The following TMPRSS12 variants were observed in gnomAD, a reference collection of about 807,000 sequenced individuals.
The protein encoded by TMPRSS12 is transmembrane serine protease 12.
A neutral mutation model predicts 26.0 loss-of-function variants in TMPRSS12; 25 were observed. The ratio of observed to expected loss-of-function variants is 0.96; its 90% CI spans 0.70 to 1.34. The LOEUF (loss-of-function observed/expected upper bound fraction) is 1.34. Among genes scored for constraint, TMPRSS12 ranks in the 40% most tolerant of loss-of-function variants. The pLI, the probability that TMPRSS12 is intolerant of heterozygous loss-of-function variation, is 0.00. For missense variants in TMPRSS12, 441 were observed against 440.1 expected (o/e 1.00, Z -0.02); for synonymous variants, 150 against 161.7 (o/e 0.93, Z 0.55).
intron 2 of TMPRSS12, among the ~76,000 whole-genome samples, chr12:50,845,600 G>A (rs11169589): frequency 0.21 from 32,127 of 151,998 alleles, 3,643 homozygotes; most frequent in East Asian, 0.42. Context: ...TCAGTTGATA[G>A]CATCATCAAC....
chr12:50,860,081 GAA>G (rs1255467419), intron 3 of TMPRSS12, among the ~76,000 whole-genome samples: 6 of 152,292 alleles, frequency 3.9e-5, no homozygotes, highest in Admixed American at 1.3e-4. Context: ...CAAGATACTT[GAA>G]CGTTAAGATA....
intron 2 of TMPRSS12, among the ~76,000 whole-genome samples, chr12:50,855,807 G>C (rs889808625): frequency 4.6e-5 from 7 of 152,130 alleles, no homozygotes; most frequent in African/African-American, 1.7e-4. Flanking sequence ...AATCAACCTA[G>C]ATGCTCATCA....
At chr12:50,852,849 G>A (rs1937839023) in intron 2 of TMPRSS12, among the ~76,000 whole-genome samples, 1 of 152,192 alleles carries the variant, frequency 6.6e-6, no homozygotes, top group African/African-American at 2.4e-5. Context: ...GGAGACCTAT[G>A]AAGAGACTTA....
intron 3 of TMPRSS12, among the ~76,000 whole-genome samples, chr12:50,879,328 A>C (rs1244667952): frequency 6.6e-6 from 1 of 152,230 alleles, no homozygotes; most frequent in African/African-American, 2.4e-5. Context: ...TCAAAATTTA[A>C]ACATGTATCC....
chr12:50,856,610 CA>C (rs941488415), intron 2 of TMPRSS12, among the ~76,000 whole-genome samples: 55 of 151,104 alleles, frequency 3.6e-4, no homozygotes, highest in African/African-American at 1.2e-3. Context: ...ACTACCTTGT[CA>C]AATGATAAGT....
intron 2 of TMPRSS12, among the ~76,000 whole-genome samples, chr12:50,851,732 G>A (rs1096033): frequency 0.37 from 56,854 of 151,904 alleles, 10,738 homozygotes; most frequent in Admixed American, 0.43. Flanking sequence ...CCATCCCCAA[G>A]ACATATAGTC....
At chr12:50,853,089 T>C (rs954591813) in intron 2 of TMPRSS12, among the ~76,000 whole-genome samples, 1 of 152,128 alleles carries the variant, frequency 6.6e-6, no homozygotes, top group Non-Finnish European at 1.5e-5. Flanking sequence ...ATAAGACAAT[T>C]CTTAACAAAT....
At chr12:50,843,264 A>G in intron 1 of TMPRSS12, 113 bp downstream of exon 1, 1 of 1,118,676 alleles carries the variant, frequency 8.9e-7, no homozygotes, top group Non-Finnish European at 1.2e-6. Flanking sequence ...TTTAACCAAA[A>G]TTTTACATAC....
chr12:50,861,180 C>T (rs1179953966), intron 3 of TMPRSS12, among the ~76,000 whole-genome samples: 5 of 152,126 alleles, frequency 3.3e-5, no homozygotes, highest in Non-Finnish European at 5.9e-5. Flanking sequence ...AAATCCAAGT[C>T]CCAAGTCTTT....
chr12:50,844,211 T>C (rs181631041), intron 2 of TMPRSS12, among the ~76,000 whole-genome samples, 174 bp downstream of exon 2: 83 of 150,116 alleles, frequency 5.5e-4, no homozygotes, highest in African/African-American at 1.8e-3. Context: ...TTATTATTAT[T>C]ATACTTTAAG....
At chr12:50,874,433 A>G (rs1416398237) in intron 3 of TMPRSS12, among the ~76,000 whole-genome samples, 1 of 152,182 alleles carries the variant, frequency 6.6e-6, no homozygotes, top group Non-Finnish European at 1.5e-5. Context: ...ATAAAATAAA[A>G]TAAAGCCTAT....
intron 2 of TMPRSS12, among the ~76,000 whole-genome samples, chr12:50,845,464 T>C (rs17125002): frequency 5.3e-5 from 8 of 152,106 alleles, no homozygotes; most frequent in Non-Finnish European, 1.2e-4. Context: ...GTTTCAGCAA[T>C]CACCATGTGC....
chr12:50,867,307 T>C (rs539040667), intron 3 of TMPRSS12, among the ~76,000 whole-genome samples: 1 of 152,154 alleles, frequency 6.6e-6, no homozygotes. Flanking sequence ...TCAGGAAACA[T>C]TGGACACACT....
At chr12:50,864,955 G>A (rs554967017) in intron 3 of TMPRSS12, among the ~76,000 whole-genome samples, 82 of 152,140 alleles carry the variant, frequency 5.4e-4, no homozygotes, top group Non-Finnish European at 9.7e-4. Context: ...CACAGGGCCC[G>A]GCCAAAAATC....
chr12:50,880,637 T>C (rs1250602862), intron 3 of TMPRSS12, among the ~76,000 whole-genome samples: 2 of 111,810 alleles, frequency 1.8e-5, no homozygotes, highest in Non-Finnish European at 4.2e-5. Flanking sequence ...AGCAATTCCA[T>C]TCCTGGATAT....
At position 50,858,881 on chromosome 12, in the gene TMPRSS12, T is replaced by C; in HGVS notation, c.480T>C (p.His160=). The C allele has an allele frequency of 6.3e-7, 1 of 1,595,998 alleles. No individual in the cohort carries two copies. Among genetic ancestry groups the C allele is most frequent in the Non-Finnish European group, 8.5e-7 (1 of 1,170,066 alleles). The stretch of plus-strand genomic sequence containing the variant: ...TAAAAATTAAAGCAATCATTATTCA[T>C]CCAAACTTCATTTTGGAATCTTATG... ...KKIKIKAIII[H]PNFILESYVN... is the part of the protein sequence containing the mutation. Residue 160 remains histidine (H), a synonymous_variant, in exon 3 of 5, where the codon CAT becomes CAC. Coordinates refer to ENST00000398458, the MANE Select transcript of TMPRSS12 (RefSeq NM_182559.3).
In TMPRSS12 at chr12:50,858,741, G is replaced by C. The variant is rs1555205879; in HGVS notation, c.384-44G>C. 34 of 1,392,060 alleles carry C rather than the reference G, an allele frequency of 2.4e-5. No individual in the cohort carries two copies. In the East Asian group the frequency reaches 8.7e-4, roughly 36 times the overall value. The allele number at this position is 1,392,060 out of a possible 1,614,324, so 86.2% of individuals were successfully genotyped here. A position where few individuals can be genotyped will look rare whatever the true frequency, so the allele number is the denominator to read the frequency against. On this transcript the variant is annotated intron_variant, in intron 2 of 4. Transcript: ENST00000398458. ...GTGGGAGATTAAGAATATGTACTTA[G>C]TTAATTAAAGATATTTATAATAAGA...
rs374684282 is a variant in TMPRSS12 at position 50,885,251 on chromosome 12, G to A, written c.658G>A (p.Ala220Thr). ...CTGGTATTTTTTGTTAACAGGTAAC[G>A]CTACAAATATTTTACAAGATGCAGA... ...GWGRTKEEGN[A>T]TNILQDAEVH... The change falls in exon 4 of 5, where the codon GCT (alanine) becomes ACT (threonine). Residue 220 changes from alanine to threonine, a missense_variant. Physicochemically the swap from Ala to Thr is moderately conservative, Grantham distance 58 (BLOSUM62 0). Transcript: ENST00000398458. The A allele has an allele frequency of 3.8e-5, 61 of 1,590,940 alleles. No individual in the cohort carries two copies. The highest frequency in any genetic ancestry group is 3.7e-4 in the African/African-American group (27 of 73,910).
intron 3 of TMPRSS12, among the ~76,000 whole-genome samples, chr12:50,881,262 C>T (rs1592225274): frequency 6.6e-6 from 1 of 151,952 alleles, no homozygotes; most frequent in Admixed American, 6.6e-5. Context: ...GAATTATAGG[C>T]GTGAGCCACT....
Sources: gnomAD v4.1 joint callset for allele counts (sites outside exome capture counted in the v4.1 genomes callset) on GRCh38, gnomAD v4.1.1 for gene constraint, MANE v1.5 for transcripts, NCBI Gene and HGNC (gene_info 2026-07-23, HGNC 2026-07-21) for gene names.